SCAMP1: variants seen among roughly 807,000 people sequenced by gnomAD.
SCAMP1 encodes secretory carrier membrane protein 1.
In SCAMP1, 15 loss-of-function variants were observed where a neutral mutation model predicts 41.8. The observed-to-expected ratio is 0.36, with a 90% confidence interval of 0.24 to 0.55. The LOEUF is 0.55. SCAMP1 is among the 20% of genes least tolerant of loss of function. The pLI, the probability that SCAMP1 is intolerant of heterozygous loss-of-function variation, is 0.86. For synonymous variants in SCAMP1, 135 were observed against 136.8 expected, an observed-to-expected ratio of 0.99 and a Z score of 0.09; for missense variants, 341 against 412.6, an observed-to-expected ratio of 0.83 and a Z score of 1.50.
rs376476656 is a variant in SCAMP1, at chr5:78,397,596, A to G, written c.135+8682A>G. Among the ~76,000 whole-genome samples the G allele has an allele frequency of 2.7e-4, 41 of 152,324 alleles. No individual in the cohort carries two copies. The South Asian group carries it at 8.5e-3, about 32-fold the overall frequency. On this transcript the variant is annotated intron_variant, in intron 2 of 8. Transcript: ENST00000621999. ...ATTTGATAAAAGACTTGTATCCAGAATATATATTAAATTATTACAGTTCAA... is the reference window on the plus strand; with the variant it reads ...ATTTGATAAAAGACTTGTATCCAGAGTATATATTAAATTATTACAGTTCAA...
intron 6 of SCAMP1, among the ~76,000 whole-genome samples, chr5:78,443,568 A>G (rs1179436460): frequency 6.6e-6 from 1 of 151,762 alleles, no homozygotes; most frequent in Non-Finnish European, 1.5e-5. Flanking sequence ...TGTGCTTTTG[A>G]CAAAGCATAG....
At chr5:78,472,163 G>A (rs1753895779) in intron 8 of SCAMP1, among the ~76,000 whole-genome samples, 1 of 152,066 alleles carries the variant, frequency 6.6e-6, no homozygotes, top group African/African-American at 2.4e-5. Context: ...GTGCAACTTG[G>A]TGATAATTGT....
At chr5:78,369,252 G>A (rs564621493) in intron 1 of SCAMP1, among the ~76,000 whole-genome samples, 3 of 152,078 alleles carry the variant, frequency 2.0e-5, no homozygotes, top group Non-Finnish European at 2.9e-5. Flanking sequence ...GACTATAGGC[G>A]TGCACCGCCA....
chr5:78,376,367 C>G (rs1751065441), intron 1 of SCAMP1, among the ~76,000 whole-genome samples: 1 of 152,184 alleles, frequency 6.6e-6, no homozygotes, highest in Non-Finnish European at 1.5e-5. Context: ...CTACATGTGG[C>G]TGGTGGCTAC....
At chr5:78,416,710 C>T (rs755597561) in intron 4 of SCAMP1, 61 bp downstream of exon 4, 1 of 1,246,118 alleles carries the variant, frequency 8.0e-7, no homozygotes, top group Non-Finnish European at 1.1e-6. Context: ...TATGTCTATA[C>T]TAGCTCCTAG....
At chr5:78,455,461 C>T (rs1352205662) in intron 7 of SCAMP1, among the ~76,000 whole-genome samples, 2 of 130,082 alleles carry the variant, frequency 1.5e-5, no homozygotes, top group Non-Finnish European at 3.2e-5. Flanking sequence ...CATTCAGGAG[C>T]AGGTTGTTCA....
chr5:78,447,898 C>T (rs1330730257), intron 6 of SCAMP1, among the ~76,000 whole-genome samples: 1 of 88,956 alleles, frequency 1.1e-5, no homozygotes, highest in African/African-American at 4.5e-5. Flanking sequence ...CCTTCTCCCT[C>T]CTCCCTCTTC....
chr5:78,447,229 C>G (rs1421388165), intron 6 of SCAMP1, among the ~76,000 whole-genome samples: 1 of 152,218 alleles, frequency 6.6e-6, no homozygotes, highest in African/African-American at 2.4e-5. Context: ...GGGACCACTG[C>G]TTTAATGTAT....
At chr5:78,458,578 T>TA (rs920351518) in intron 7 of SCAMP1, among the ~76,000 whole-genome samples, 2 of 152,164 alleles carry the variant, frequency 1.3e-5, no homozygotes, top group Non-Finnish European at 2.9e-5. Flanking sequence ...GAATTGAAAA[T>TA]AAACATTTAA....
chr5:78,380,347 G>A (rs904287502), intron 1 of SCAMP1, among the ~76,000 whole-genome samples: 1 of 152,168 alleles, frequency 6.6e-6, no homozygotes, highest in African/African-American at 2.4e-5. Context: ...AAATGCAGAT[G>A]TTATTTTGCT....
At chr5:78,361,966 C>T (rs1161935534) in intron 1 of SCAMP1, among the ~76,000 whole-genome samples, 1 of 152,236 alleles carries the variant, frequency 6.6e-6, no homozygotes, top group Non-Finnish European at 1.5e-5. Flanking sequence ...TTATTGACAA[C>T]TCGACTCACT....
chr5:78,442,047 T>A (rs144172142), intron 6 of SCAMP1, among the ~76,000 whole-genome samples: 2 of 152,136 alleles, frequency 1.3e-5, no homozygotes, highest in Non-Finnish European at 2.9e-5. Context: ...GAGGATTGAT[T>A]GAGCCCAAGA....
chr5:78,386,966 T>A (rs1039632710), intron 1 of SCAMP1, among the ~76,000 whole-genome samples: 7 of 152,200 alleles, frequency 4.6e-5, no homozygotes, highest in African/African-American at 1.7e-4. Context: ...ATTTCTCAGG[T>A]GTTTTTTGAG....
intron 2 of SCAMP1, among the ~76,000 whole-genome samples, chr5:78,412,879 G>A (rs543521266): frequency 2.6e-5 from 4 of 152,038 alleles, no homozygotes; most frequent in East Asian, 3.9e-4. Flanking sequence ...AATTAAATTC[G>A]TCAATTTTGT....
intron 1 of SCAMP1, among the ~76,000 whole-genome samples, chr5:78,372,884 CATT>C (rs1750973985): frequency 6.6e-6 from 1 of 151,522 alleles, no homozygotes; most frequent in South Asian, 2.1e-4. Context: ...GATAATCTTG[CATT>C]ATTATTTATT....
At chr5:78,400,874 A>G (rs1456366171) in intron 2 of SCAMP1, among the ~76,000 whole-genome samples, 1 of 152,116 alleles carries the variant, frequency 6.6e-6, no homozygotes, top group Non-Finnish European at 1.5e-5. Context: ...TTCTAGTACA[A>G]TGTTGAAAAG....
intron 5 of SCAMP1, among the ~76,000 whole-genome samples, chr5:78,421,547 A>G (rs1752339650): frequency 6.6e-6 from 1 of 152,166 alleles, no homozygotes; most frequent in Non-Finnish European, 1.5e-5. Context: ...TAGCTACATC[A>G]TTGCCTGTGA....
At chr5:78,362,304 G>C (rs1039678134) in intron 1 of SCAMP1, among the ~76,000 whole-genome samples, 4 of 152,168 alleles carry the variant, frequency 2.6e-5, no homozygotes, top group African/African-American at 9.7e-5. Context: ...AGCATCTGAC[G>C]ATTTGGCAGT....
chr5:78,391,071 A>G (rs1424795736), intron 2 of SCAMP1, among the ~76,000 whole-genome samples: 1 of 147,336 alleles, frequency 6.8e-6, no homozygotes, highest in Non-Finnish European at 1.5e-5. Flanking sequence ...CAGACATGGC[A>G]ACCATCCGAT....
Sources: gnomAD v4.1 joint callset for allele counts (sites outside exome capture counted in the v4.1 genomes callset) on GRCh38, gnomAD v4.1.1 for gene constraint, MANE v1.5 for transcripts, NCBI Gene and HGNC (gene_info 2026-07-23, HGNC 2026-07-21) for gene names.